CHRND: variants seen among roughly 807,000 people sequenced by gnomAD.
CHRND encodes the protein cholinergic receptor nicotinic delta subunit, also known as acetylcholine receptor subunit delta.
In CHRND, 40 loss-of-function variants were observed where a neutral mutation model predicts 57.8. The observed-to-expected ratio is 0.69, with a 90% CI of 0.54 to 0.90. The LOEUF is 0.90. CHRND is among the 40% of genes least tolerant of loss of function. The pLI, the probability that CHRND is intolerant of heterozygous loss-of-function variation, is 0.00. For missense variants in CHRND, 634 were observed against 673.9 expected, an observed-to-expected ratio of 0.94 and a Z score of 0.66; for synonymous variants, 237 against 270.6, an observed-to-expected ratio of 0.88 and a Z score of 1.22.
Position 232,535,584 on chromosome 2 carries a change from C to A in CHRND, c.*272C>A. The A allele has an allele frequency of 1.6e-6, 1 of 629,642 alleles. No homozygotes were observed. The allele number at this position is 629,642 out of a possible 1,614,324, so 39.0% of individuals were successfully genotyped here. On this transcript the variant is annotated 3_prime_UTR_variant, in exon 12 of 12. Coordinates refer to ENST00000258385, the MANE Select transcript of CHRND (RefSeq NM_000751.3). Reference sequence around the variant, plus strand: ...GCTGGCTCAGGGGCCAGGGAGGAGGCCACTCAGGGTGGCCTCAGGGGGAGA... The same window carrying A: ...GCTGGCTCAGGGGCCAGGGAGGAGGACACTCAGGGTGGCCTCAGGGGGAGA...
intron 9 of CHRND, among the ~76,000 whole-genome samples, chr2:232,532,466 A>G (rs1271445483): frequency 7.4e-6 from 1 of 135,012 alleles, no homozygotes; most frequent in African/African-American, 2.8e-5. Context: ...CAAGAGCGAA[A>G]CTCTGTCTCC....
rs148939701 is a variant in CHRND at position 232,535,158 on chromosome 2, G to A, written c.1400G>A (p.Arg467His). 2.0e-3 allele frequency: 3,201 copies of A among 1,614,160 alleles called. 3 individuals are homozygous for A. Among genetic ancestry groups the A allele is most frequent in the Non-Finnish European group, 2.4e-3 (2,840 of 1,180,030 alleles). ...AAAGACAGCTGGAACCGAGTGGCCCGCACAGTGGACCGCCTCTGCCTGTTT... is the reference window on the plus strand; with the variant it reads ...AAAGACAGCTGGAACCGAGTGGCCCACACAGTGGACCGCCTCTGCCTGTTT... ...EEKDSWNRVA[R>H]TVDRLCLFVV... Residue 467 changes from arginine to histidine, a missense_variant, in exon 12 of 12, where the codon CGC (arginine) becomes CAC (histidine). By Grantham distance (29) the Arg-to-His change is conservative (BLOSUM62 0). Transcript: ENST00000258385.
At position 232,535,314 on chromosome 2, in the gene CHRND, G is replaced by C. The variant is rs1437706825; in HGVS notation, c.*2G>C. On this transcript the variant is annotated 3_prime_UTR_variant, in exon 12 of 12. Transcript: ENST00000258385. ...GTGCAGGACAAGCGCTTCATCTAGG[G>C]TGGGCCTGTTGGGGAGCCAGGAGAC... 2 of 1,613,008 alleles carry C rather than the reference G, an allele frequency of 1.2e-6. No homozygotes were observed. The highest frequency in any genetic ancestry group is 1.7e-6 in the Non-Finnish European group (2 of 1,180,034).
Position 232,533,787 on chromosome 2 carries a change from A to AG in CHRND, c.1048-144_1048-143insG, listed in dbSNP as rs11385225. 0.38 allele frequency: 320,995 copies of AG among 842,412 alleles called. 64,239 individuals carry two copies. Among genetic ancestry groups the AG allele is most frequent in the Admixed American group, 0.58 (32,897 of 56,490 alleles). The allele number at this position is 842,412 out of a possible 1,614,324, so 52.2% of individuals were successfully genotyped here. ...CAACTACTTGGGAGACTGAGGCAAG[A>AG]AATCACTTGAACCCGAGAGGTGGAG... On this transcript the variant is annotated intron_variant, in intron 9 of 11. Transcript: ENST00000258385.
Position 232,529,968 on chromosome 2 carries a change from C to T in CHRND, c.649C>T (p.Pro217Ser). The T allele has an allele frequency of 1.2e-6, 2 of 1,614,120 alleles. No individual in the cohort carries two copies. The highest frequency in any genetic ancestry group is 1.7e-6 in the Non-Finnish European group (2 of 1,180,014). Reference protein sequence around the residue: ...ENGEWEIVHRPARVNVDPRAP... With the variant: ...ENGEWEIVHRSARVNVDPRAP... Reference sequence around the variant, plus strand: ...CGGGGAGTGGGAGATAGTCCACCGGCCGGCCAGGGTCAACGTGGACCCCAG... The same window carrying T: ...CGGGGAGTGGGAGATAGTCCACCGGTCGGCCAGGGTCAACGTGGACCCCAG... The change falls in exon 7 of 12, where the codon CCG becomes TCG. Residue 217 changes from proline to serine, a missense_variant. Transcript: ENST00000258385.
rs1559300069 is a variant in CHRND, at chr2:232,535,970, A to G, written c.*658A>G. ...GACCAGAACGCAGCACCTCTCCCCA[A>G]AGGGTCCCTGCCCCCCAGCACCTAC... On this transcript the variant is annotated 3_prime_UTR_variant, in exon 12 of 12. Coordinates refer to ENST00000258385, the MANE Select transcript of CHRND (RefSeq NM_000751.3). 2.2e-6 allele frequency: 1 copy of G among 454,040 alleles called. No individual in the cohort carries two copies. The highest frequency in any genetic ancestry group is 4.4e-6 in the Non-Finnish European group (1 of 226,776). The allele number at this position is 454,040 out of a possible 1,614,324, so 28.1% of individuals were successfully genotyped here.
Position 232,533,895 on chromosome 2 carries a change from C to T in CHRND, c.1048-36C>T, listed in dbSNP as rs765418740. The T allele has an allele frequency of 1.0e-5, 16 of 1,601,790 alleles. No homozygotes were observed. In the East Asian group the frequency reaches 3.6e-4, roughly 36 times the overall value. ...CGTCTCAAAAACAAAGAACAAAAAACAACGCCTTTCTTGTGGCCCCTTGAC... is the reference window on the plus strand; with the variant it reads ...CGTCTCAAAAACAAAGAACAAAAAATAACGCCTTTCTTGTGGCCCCTTGAC... On this transcript the variant is annotated intron_variant, in intron 9 of 11. Coordinates refer to ENST00000258385, the MANE Select transcript of CHRND (RefSeq NM_000751.3).
At position 232,535,240 on chromosome 2, in the gene CHRND, C is replaced by A; in HGVS notation, c.1482C>A (p.Tyr494Ter). ...GTAWIFLQGV[Y>*]NQPPPQPFPG... ...CCTGGATCTTCCTGCAGGGCGTTTACAACCAGCCACCACCCCAGCCTTTTC... is the reference window on the plus strand; with the variant it reads ...CCTGGATCTTCCTGCAGGGCGTTTAAAACCAGCCACCACCCCAGCCTTTTC... The change falls in exon 12 of 12, where the codon TAC becomes TAA. Residue 494 changes from tyrosine (Y) to a stop codon, truncating the protein, a stop_gained. Coordinates refer to ENST00000258385, the MANE Select transcript of CHRND (RefSeq NM_000751.3). LOFTEE classifies it high-confidence loss of function. The A allele has an allele frequency of 6.2e-7, 1 of 1,614,240 alleles. No homozygotes were observed. Among genetic ancestry groups the A allele is most frequent in the South Asian group, 1.1e-5 (1 of 91,090 alleles).
At chr2:232,529,787 C>G (rs1691613749) in intron 6 of CHRND, 152 bp from the exon 7 acceptor site, 1 of 698,364 alleles carries the variant, frequency 1.4e-6, no homozygotes, top group Non-Finnish European at 2.4e-6. Context: ...ATCCCGACCC[C>G]CCAGGGAACG....
chr2:232,527,556 G>A (rs1691527180), intron 3 of CHRND, 111 bp downstream of exon 3: 3 of 842,694 alleles, frequency 3.6e-6, no homozygotes, highest in Admixed American at 3.6e-5. Flanking sequence ...CATCTTGGCT[G>A]ACACGGTGAA....
At position 232,536,198 on chromosome 2, in the gene CHRND, G is replaced by A. The variant is rs188087981; in HGVS notation, c.*886G>A. On this transcript the variant is annotated 3_prime_UTR_variant, in exon 12 of 12. Transcript: ENST00000258385. ...GGAGACAAGGGTCTGTTTGTATGGT[G>A]GTCCACCTCCAAGATGGCCCCAGTG... 12 of 454,118 alleles carry A rather than the reference G, an allele frequency of 2.6e-5. No individual in the cohort carries two copies. The highest frequency in any genetic ancestry group is 7.0e-5 in the Admixed American group (3 of 42,574). The allele number at this position is 454,118 out of a possible 1,614,324, so 28.1% of individuals were successfully genotyped here. A position where few individuals can be genotyped will look rare whatever the true frequency, so the allele number is the denominator to read the frequency against.
At position 232,536,103 on chromosome 2, in the gene CHRND, C is replaced by A; in HGVS notation, c.*791C>A. 1 of 454,112 alleles carries A rather than the reference C, an allele frequency of 2.2e-6. No individual in the cohort carries two copies. The highest frequency in any genetic ancestry group is 4.4e-6 in the Non-Finnish European group (1 of 226,804). The allele number at this position is 454,112 out of a possible 1,614,324, so 28.1% of individuals were successfully genotyped here. A position where few individuals can be genotyped will look rare whatever the true frequency, so the allele number is the denominator to read the frequency against. On this transcript the variant is annotated 3_prime_UTR_variant, in exon 12 of 12. Coordinates refer to ENST00000258385, the MANE Select transcript of CHRND (RefSeq NM_000751.3). ...CCCTATTTTTATTTGCTAAATCTAG[C>A]AACCCTATCCCAAAGGCAGCCTCCA...
At chr2:232,528,998 G>C (rs747570203) in intron 6 of CHRND, 27 bp downstream of exon 6, 1 of 1,562,010 alleles carries the variant, frequency 6.4e-7, no homozygotes, top group East Asian at 2.2e-5. Flanking sequence ...CCAGTGGGTG[G>C]GCAGGTCCCT....
chr2:232,536,322 C>T lies in CHRND; in HGVS notation c.*1010C>T, dbSNP rs1332313321. The stretch of plus-strand genomic sequence containing the variant: ...GGCAGAAGTGATGGTACCTCACTTC[C>T]CAGATTTGGTTAGGAAAGACACTAT... On this transcript the variant is annotated 3_prime_UTR_variant, in exon 12 of 12. Coordinates refer to ENST00000258385, the MANE Select transcript of CHRND (RefSeq NM_000751.3). The T allele has an allele frequency of 2.2e-6, 1 of 454,088 alleles. No individual in the cohort carries two copies. The highest frequency in any genetic ancestry group is 2.3e-5 in the Admixed American group (1 of 42,580). The allele number at this position is 454,088 out of a possible 1,614,324, so 28.1% of individuals were successfully genotyped here. A position where few individuals can be genotyped will look rare whatever the true frequency, so the allele number is the denominator to read the frequency against.
chr2:232,532,250 C>T (rs1691730162), intron 9 of CHRND, among the ~76,000 whole-genome samples: 1 of 151,906 alleles, frequency 6.6e-6, no homozygotes, highest in Non-Finnish European at 1.5e-5. Context: ...GGTGGATCAC[C>T]TGAGGTCAAG....
rs934981897 is a variant in CHRND at position 232,534,186 on chromosome 2, A to G, written c.1253-38A>G. ...CAGCCCATCTGTGGGAGGTGGGTGG[A>G]GGCAGGCCTCACACCCACTCTGGCC... is the stretch of plus-strand genomic sequence containing the variant. On this transcript the variant is annotated intron_variant, in intron 10 of 11. Coordinates refer to ENST00000258385, the MANE Select transcript of CHRND (RefSeq NM_000751.3). 4.3e-6 allele frequency: 7 copies of G among 1,613,146 alleles called. No homozygotes were observed. The African/African-American group carries it at 9.3e-5, about 22-fold the overall frequency.
rs1173597146 is a variant in CHRND at position 232,530,089 on chromosome 2, G to C, written c.770G>C (p.Cys257Ser). The C allele has an allele frequency of 6.2e-7, 1 of 1,614,158 alleles. No homozygotes were observed. The highest frequency in any genetic ancestry group is 1.1e-5 in the South Asian group (1 of 91,076). The change falls in exon 7 of 12, where the codon TGC (cysteine) becomes TCC (serine). Residue 257 changes from cysteine to serine, a missense_variant. By Grantham distance (112) the Cys-to-Ser change is moderately radical. Transcript: ENST00000258385. ...TACATCATCAACATCCTGGTGCCCT[G>C]CGTGCTCATCTCCTTCATGGTCAAC... Reference protein sequence around the residue: ...LFYIINILVPCVLISFMVNLV... With the variant: ...LFYIINILVPSVLISFMVNLV...
At chr2:232,528,205 G>T in intron 3 of CHRND, 57 bp from the exon 4 acceptor site, 1 of 1,514,646 alleles carries the variant, frequency 6.6e-7, no homozygotes, top group Non-Finnish European at 9.2e-7. Context: ...GAAGTGGGGG[G>T]AGCCAGGAGC....
chr2:232,530,853 C>T (rs1239128203), intron 7 of CHRND, among the ~76,000 whole-genome samples: 8 of 152,150 alleles, frequency 5.3e-5, no homozygotes, highest in African/African-American at 1.2e-4. Context: ...CTTGCCATCA[C>T]GTGCAGGAGC....
Sources: allele counts gnomAD v4.1 joint callset (sites outside exome capture counted in the v4.1 genomes callset), GRCh38; gene constraint gnomAD v4.1.1; transcripts MANE v1.5; gene names NCBI Gene and HGNC (gene_info 2026-07-23, HGNC 2026-07-21).